Variants in CFAP20DC observed in about 807,000 individuals in gnomAD.
CFAP20DC encodes the protein protein CFAP20DC.
CFAP20DC carries 84 observed loss-of-function variants against 101.7 expected under a neutral mutation model. The ratio of observed to expected loss-of-function variants is 0.83; its 90% confidence interval spans 0.69 to 0.99. The LOEUF (loss-of-function observed/expected upper bound fraction) is 0.99, where lower values mean the gene tolerates loss of function less well. Among genes scored for constraint, CFAP20DC ranks in the 50% least tolerant of loss-of-function variants. The probability of loss-of-function intolerance (pLI) is 0.00; values close to 1 mark genes in which losing one functional copy is unlikely to be tolerated. For missense variants in CFAP20DC, 1,007 were observed against 970.3 expected (o/e 1.04, Z -0.50); for synonymous variants, 359 against 351.2 (o/e 1.02, Z -0.25).
At chr3:58,801,108 A>T (rs1374339124) in intron 15 of CFAP20DC, among the ~76,000 whole-genome samples, 3 of 151,614 alleles carry the variant, frequency 2.0e-5, no homozygotes, top group Non-Finnish European at 4.4e-5. Flanking sequence ...CCTTAGAGGA[A>T]CTTGGTGAAC....
chr3:58,968,447 T>C (rs1472478681), intron 4 of CFAP20DC, among the ~76,000 whole-genome samples: 1 of 152,222 alleles, frequency 6.6e-6, no homozygotes, highest in Non-Finnish European at 1.5e-5. Context: ...TTATCTGCAT[T>C]TCTCTAATAA....
intron 5 of CFAP20DC, among the ~76,000 whole-genome samples, chr3:58,916,127 C>T (rs1453858116): frequency 6.6e-6 from 1 of 152,076 alleles, no homozygotes; most frequent in African/African-American, 2.4e-5. Context: ...TTGCAGTTAA[C>T]CATTGTTTTT....
rs9854357 is a variant in CFAP20DC at position 58,789,221 on chromosome 3, T to G, written c.2237+17174A>C. On this transcript the variant is annotated intron_variant, in intron 15 of 16. Transcript: ENST00000482387. ...ATTAGCAAATCAAGAGCAAAAAACT[T>G]TGCAGCCTTTTCTAACTTTAACGAG... is the stretch of plus-strand genomic sequence containing the variant. Among the ~76,000 whole-genome samples the G allele has an allele frequency of 7.8e-3, 1,182 of 152,260 alleles. 14 individuals are homozygous for G. Among genetic ancestry groups the G allele is most frequent in the African/African-American group, 0.028 (1,147 of 41,560 alleles).
At chr3:58,879,007 C>A (rs2081010610) in intron 7 of CFAP20DC, among the ~76,000 whole-genome samples, 1 of 150,630 alleles carries the variant, frequency 6.6e-6, no homozygotes, top group Non-Finnish European at 1.5e-5. Flanking sequence ...GACTTCGTCT[C>A]CGAAAAAAAA....
intron 14 of CFAP20DC, among the ~76,000 whole-genome samples, chr3:58,811,591 C>A (rs2074642731): frequency 6.6e-6 from 1 of 152,054 alleles, no homozygotes. Context: ...AGACCTAAAA[C>A]CATAAAAACC....
chr3:58,941,600 G>A (rs967845287), intron 4 of CFAP20DC, among the ~76,000 whole-genome samples: 3 of 150,338 alleles, frequency 2.0e-5, no homozygotes, highest in Non-Finnish European at 3.0e-5. Flanking sequence ...ATAGAATCTC[G>A]CTCTGTGGCC....
At chr3:59,017,278 T>C (rs773531403) in intron 4 of CFAP20DC, 1 of 151,842 alleles carries the variant, frequency 6.6e-6, no homozygotes, top group Non-Finnish European at 1.5e-5. Flanking sequence ...AGATGGAGAG[T>C]GCTTAAGGGG....
intron 6 of CFAP20DC, among the ~76,000 whole-genome samples, chr3:58,907,983 CA>C (rs2083774327): frequency 6.6e-6 from 1 of 152,124 alleles, no homozygotes; most frequent in Admixed American, 6.5e-5. Context: ...TGAAAGAAAT[CA>C]CACCAATGCT....
At position 58,721,626 on chromosome 3, in the gene CFAP20DC, G is replaced by C. The variant is rs1188085539; in HGVS notation, c.198-3998C>G. On this transcript the variant is annotated intron_variant, in intron 3 of 3. Coordinates refer to the CFAP20DC transcript ENST00000486145. The surrounding 1 kb of genome is among the most constrained non-coding windows in gnomAD (Gnocchi z 5.2). ...AAGAACCCTAAAGAGCAGTGTGGCTGGGGAGAGAAGAGCCATGTGGTCCAG... is the reference window on the plus strand; with the variant it reads ...AAGAACCCTAAAGAGCAGTGTGGCTCGGGAGAGAAGAGCCATGTGGTCCAG... 6.6e-6 allele frequency among the ~76,000 whole-genome samples: 1 copy of C among 152,174 alleles called. No homozygotes were observed. Among genetic ancestry groups the C allele is most frequent in the African/African-American group, 2.4e-5 (1 of 41,440 alleles).
chr3:59,017,310 C>A (rs1458281043), intron 4 of CFAP20DC: 1 of 152,020 alleles, frequency 6.6e-6, no homozygotes, highest in Non-Finnish European at 1.5e-5. Flanking sequence ...GCTTCCATGC[C>A]CAGCTGCATC....
chr3:58,967,958 A>G (rs2091689656), intron 4 of CFAP20DC, among the ~76,000 whole-genome samples: 1 of 152,192 alleles, frequency 6.6e-6, no homozygotes, highest in Non-Finnish European at 1.5e-5. Flanking sequence ...GAGAACATGC[A>G]GCATTTAGTT....
intron 15 of CFAP20DC, among the ~76,000 whole-genome samples, chr3:58,801,827 T>C (rs1270871772): frequency 6.6e-6 from 1 of 152,232 alleles, no homozygotes; most frequent in Admixed American, 6.5e-5. Flanking sequence ...GTGGCAAGGC[T>C]GCAAAGGATT....
chr3:58,882,075 A>C lies in CFAP20DC; in HGVS notation c.715+2470T>G, dbSNP rs911449066. Among the ~76,000 whole-genome samples the C allele has an allele frequency of 1.3e-5, 2 of 152,192 alleles. No homozygotes were observed. Among genetic ancestry groups the C allele is most frequent in the Non-Finnish European group, 2.9e-5 (2 of 67,994 alleles). ...GCAATGAGATTTATTTAAGAAGTGC[A>C]ATCATAAACCCTATGGTTACAAACG... On this transcript the variant is annotated intron_variant, in intron 7 of 16. Coordinates refer to ENST00000482387, the MANE Select transcript of CFAP20DC (RefSeq NM_001394063.1). This position sits in a 1 kb window ranked among gnomAD's most constrained non-coding sequence, Gnocchi z 4.2.
chr3:58,863,831 A>C lies in CFAP20DC; in HGVS notation c.1320T>G (p.Ser440=). ...HISYLASSRQ[S]LLLGDDSCNP... The stretch of plus-strand genomic sequence containing the variant: ...TGCAGGAGTCATCACCCAGAAGTAG[A>C]GACTGTCTGCTGGATGCCAGATATG... Residue 440 remains serine (S), a synonymous_variant, in exon 12 of 17, where the codon TCT becomes TCG. Coordinates refer to ENST00000482387, the MANE Select transcript of CFAP20DC (RefSeq NM_001394063.1). This position sits in a 1 kb window ranked among gnomAD's most constrained non-coding sequence, Gnocchi z 5.9. 6.2e-7 allele frequency: 1 copy of C among 1,614,142 alleles called. No individual in the cohort carries two copies. Among genetic ancestry groups the C allele is most frequent in the Non-Finnish European group, 8.5e-7 (1 of 1,179,984 alleles).
rs965001900 is a variant in CFAP20DC, at chr3:58,845,487, C to T, written c.1971+3545G>A. 1.1e-4 allele frequency among the ~76,000 whole-genome samples: 16 copies of T among 150,326 alleles called. No individual in the cohort carries two copies. The South Asian group carries it at 2.5e-3, about 24-fold the overall frequency. On this transcript the variant is annotated intron_variant, in intron 13 of 16. Transcript: ENST00000482387. ...GGAAGAAGTTGAATCTCTGAATAGA[C>T]CAATAACAGGAGCTGAAATTGTGGC...
chr3:58,786,488 T>A (rs2072348162), intron 15 of CFAP20DC, among the ~76,000 whole-genome samples: 1 of 152,096 alleles, frequency 6.6e-6, no homozygotes, highest in Non-Finnish European at 1.5e-5. Flanking sequence ...TCATAAATTT[T>A]AAATCAAGTA....
intron 3 of CFAP20DC, among the ~76,000 whole-genome samples, chr3:59,042,626 T>C (rs1237403021): frequency 6.6e-6 from 1 of 151,936 alleles, no homozygotes; most frequent in Non-Finnish European, 1.5e-5. Context: ...GGTTTTTGAG[T>C]TTTAATCTGA....
chr3:58,986,346 C>T (rs573248055), intron 4 of CFAP20DC, among the ~76,000 whole-genome samples: 4 of 152,154 alleles, frequency 2.6e-5, no homozygotes, highest in Admixed American at 6.5e-5. Flanking sequence ...TGCACAGACA[C>T]ATAAAATTAT....
intron 6 of CFAP20DC, among the ~76,000 whole-genome samples, chr3:58,890,287 G>C (rs929124667): frequency 1.3e-5 from 2 of 148,568 alleles, no homozygotes; most frequent in Non-Finnish European, 3.0e-5. Context: ...CTCCCGGACG[G>C]GGCGGCTGTC....
Sources: allele counts gnomAD v4.1 joint callset (sites outside exome capture counted in the v4.1 genomes callset), GRCh38; gene constraint gnomAD v4.1.1; non-coding constraint Gnocchi (gnomAD v3.1); transcripts MANE v1.5; gene names NCBI Gene and HGNC (gene_info 2026-07-23, HGNC 2026-07-21).